The following SBF2 variants were observed in gnomAD, a reference collection of about 807,000 sequenced individuals.
SBF2 encodes the protein myotubularin-related protein 13.
A neutral mutation model predicts 225.2 loss-of-function variants in SBF2; 112 were observed. That is an observed-to-expected ratio of 0.50 (90% CI 0.43 to 0.58). The LOEUF is 0.58. Among genes scored for constraint, SBF2 ranks in the 20% least tolerant of loss-of-function variants. The pLI is 0.00. For synonymous variants in SBF2, 763 were observed against 773.3 expected (o/e 0.99, Z 0.22); for missense variants, 1,996 against 2,206.2 (o/e 0.90, Z 1.91).
At chr11:9,856,354 A>G (rs1184231973) in intron 19 of SBF2, 104 bp downstream of exon 19, 1 of 1,436,294 alleles carries the variant, frequency 7.0e-7, no homozygotes. Flanking sequence ...TAACTTTTGA[A>G]ATATGTACAG....
intron 2 of SBF2, among the ~76,000 whole-genome samples, chr11:10,061,850 T>A (rs917245937): frequency 6.6e-6 from 1 of 152,150 alleles, no homozygotes; most frequent in African/African-American, 2.4e-5. Context: ...TATTTTAAAA[T>A]TTATATGGAA....
intron 13 of SBF2, among the ~76,000 whole-genome samples, chr11:9,977,524 G>GC (rs1565086475): frequency 1.3e-5 from 2 of 151,966 alleles, no homozygotes; most frequent in South Asian, 4.1e-4. Context: ...TAGGGATAGG[G>GC]CAGGGAAGTA....
chr11:10,303,852 G>C lies in SBF2; in HGVS notation n.386+640C>G, dbSNP rs905417425. ...AGGAGAGAAGTAAGAAAGAGAAGAAGCTGTGATGAAAGAGCACAAACGGGT... is the reference window on the plus strand; with the variant it reads ...AGGAGAGAAGTAAGAAAGAGAAGAACCTGTGATGAAAGAGCACAAACGGGT... On this transcript the variant is annotated intron_variant and non_coding_transcript_variant, in intron 1 of 5. Transcript: ENST00000685217. The surrounding 1 kb of genome is among the most constrained non-coding windows in gnomAD (Gnocchi z 5.2). 5.3e-5 allele frequency: 8 copies of C among 152,362 alleles called. No homozygotes were observed. The highest frequency in any genetic ancestry group is 8.8e-5 in the Non-Finnish European group (6 of 68,162). The allele number at this position is 152,362 out of a possible 1,614,324, so 9.4% of individuals were successfully genotyped here.
intron 1 of SBF2, among the ~76,000 whole-genome samples, chr11:10,253,334 T>C (rs1960554011): frequency 1.3e-5 from 2 of 152,284 alleles, no homozygotes. Context: ...GAGCCACAAC[T>C]TGTTTCTGAA....
chr11:9,924,549 A>G (rs1388492278), intron 16 of SBF2, among the ~76,000 whole-genome samples: 2 of 152,016 alleles, frequency 1.3e-5, no homozygotes, highest in African/African-American at 4.8e-5. Context: ...CTCCTGCCTC[A>G]GCTTCCCGAG....
At chr11:9,889,506 T>C (rs61876922) in intron 17 of SBF2, among the ~76,000 whole-genome samples, 2 of 152,122 alleles carry the variant, frequency 1.3e-5, no homozygotes, top group African/African-American at 4.8e-5. Flanking sequence ...TAAATTTATA[T>C]TTCTTTAAAC....
intron 16 of SBF2, among the ~76,000 whole-genome samples, chr11:9,906,264 G>A (rs191930652): frequency 6.6e-6 from 1 of 152,192 alleles, no homozygotes; most frequent in East Asian, 1.9e-4. Context: ...GGGATGCCAA[G>A]ATGCCTTTTG....
At chr11:10,295,082 G>A (rs1964450855), upstream of SBF2, among the ~76,000 whole-genome samples, 1 of 152,184 alleles carries the variant, frequency 6.6e-6, no homozygotes, top group Non-Finnish European at 1.5e-5. Flanking sequence ...AACTCACTTT[G>A]TCATTTGTTA....
At chr11:9,997,516 C>T (rs1023351091) in intron 9 of SBF2, among the ~76,000 whole-genome samples, 11 of 152,210 alleles carry the variant, frequency 7.2e-5, no homozygotes, top group African/African-American at 2.4e-4. Flanking sequence ...CGGTGGCTCA[C>T]GCCTGTAATC....
intron 17 of SBF2, among the ~76,000 whole-genome samples, chr11:9,882,585 G>A (rs1859876828): frequency 6.6e-6 from 1 of 151,952 alleles, no homozygotes; most frequent in Non-Finnish European, 1.5e-5. Context: ...AAGGCGGGCG[G>A]ATCACAAAGT....
intron 24 of SBF2, among the ~76,000 whole-genome samples, chr11:9,844,348 C>T (rs1856388699): frequency 6.6e-6 from 1 of 152,160 alleles, no homozygotes; most frequent in South Asian, 2.1e-4. Context: ...AAAGGAAGGG[C>T]CTCTTTTCCA....
intron 24 of SBF2, 62 bp from the exon 25 acceptor site, chr11:9,842,832 A>T: frequency 6.5e-7 from 1 of 1,536,620 alleles, no homozygotes; most frequent in East Asian, 2.2e-5. Context: ...TGTATTGTTG[A>T]CACCTACTTA....
intron 16 of SBF2, chr11:9,958,351 T>G (rs1866319997): frequency 6.7e-6 from 1 of 149,276 alleles, no homozygotes; most frequent in African/African-American, 2.5e-5. Flanking sequence ...TCATATTCCA[T>G]CCTTTCTTTT....
At chr11:9,806,185 T>C (rs940571216) in intron 32 of SBF2, among the ~76,000 whole-genome samples, 2 of 152,240 alleles carry the variant, frequency 1.3e-5, no homozygotes, top group Admixed American at 6.5e-5. Flanking sequence ...AAGAAGTCTA[T>C]ACCTGACTCA....
chr11:9,823,106 T>C (rs1411365645), intron 28 of SBF2, among the ~76,000 whole-genome samples: 1 of 152,226 alleles, frequency 6.6e-6, no homozygotes, highest in Non-Finnish European at 1.5e-5. Flanking sequence ...GAGGCAGTAC[T>C]AATTTTCTCA....
chr11:9,897,744 A>G (rs4542406), intron 16 of SBF2, among the ~76,000 whole-genome samples: 9,814 of 152,240 alleles, frequency 0.064, 508 homozygotes, highest in East Asian at 0.28. Flanking sequence ...AAACTCATAG[A>G]GCTGGGACCT....
At chr11:10,161,753 G>A (rs10770097) in intron 2 of SBF2, among the ~76,000 whole-genome samples, 51,614 of 149,840 alleles carry the variant, frequency 0.34, 10,361 homozygotes, top group East Asian at 0.62. Context: ...ATTGCTTGAG[G>A]CTAAGAGCTC....
rs368177590 is a variant in SBF2, at chr11:10,038,144, T to C, written c.279+4700A>G. Among the ~76,000 whole-genome samples, 9 of 152,086 alleles carry C rather than the reference T, an allele frequency of 5.9e-5. No individual in the cohort carries two copies. In the East Asian group the frequency reaches 1.5e-3, roughly 26 times the overall value. Reference sequence around the variant, plus strand: ...CCTTGACACTTAATTCTTGAACCTATAGCACACTGATACAATTTTTGCAGC... The same window carrying C: ...CCTTGACACTTAATTCTTGAACCTACAGCACACTGATACAATTTTTGCAGC... On this transcript the variant is annotated intron_variant, in intron 3 of 39. Transcript: ENST00000256190.
chr11:9,994,399 CG>C (rs1202507002), intron 9 of SBF2, among the ~76,000 whole-genome samples: 5 of 149,974 alleles, frequency 3.3e-5, no homozygotes, highest in African/African-American at 1.2e-4. Flanking sequence ...GGCGTGAACC[CG>C]GGAGGCGGAG....
Sources: gnomAD v4.1 joint callset for allele counts (sites outside exome capture counted in the v4.1 genomes callset) on GRCh38, gnomAD v4.1.1 for gene constraint, Gnocchi (gnomAD v3.1) non-coding constraint, MANE v1.5 for transcripts, NCBI Gene and HGNC (gene_info 2026-07-23, HGNC 2026-07-21) for gene names.